ZNF426: variants seen among roughly 807,000 people sequenced by gnomAD.
ZNF426 encodes zinc finger protein 426, also known as CTC-543D15.7.
Under a neutral mutation model 24.0 loss-of-function variants are expected in ZNF426, and 23 were observed. The ratio of observed to expected loss-of-function variants is 0.96; its 90% CI spans 0.69 to 1.36. The LOEUF is 1.36. ZNF426 is among the 40% of genes most tolerant of loss of function. ZNF426 has a pLI of 0.00. For missense variants in ZNF426, 646 were observed against 658.4 expected (o/e 0.98, Z 0.21); for synonymous variants, 272 against 224.6 (o/e 1.21, Z -1.89).
intron 3 of ZNF426, 84 bp downstream of exon 3, chr19:9,536,124 T>A (rs768597555): frequency 1.0e-5 from 16 of 1,580,072 alleles, no homozygotes; most frequent in Non-Finnish European, 8.7e-7. Context: ...ATCAGCAACA[T>A]GACCAGCTGC....
chr19:9,531,122 T>A (rs1374505273), intron 6 of ZNF426, 55 bp from the exon 7 acceptor site: 1 of 1,423,616 alleles, frequency 7.0e-7, no homozygotes, highest in Non-Finnish European at 9.9e-7. Flanking sequence ...CAGTGGCTCA[T>A]GCCTGTAATC....
In ZNF426 at chr19:9,533,950, T is replaced by C; in HGVS notation, c.134A>G (p.Asp45Gly). Residue 45 changes from aspartate (D) to glycine (G), a missense_variant, in exon 5 of 8, where the codon GAC becomes GGC. Asp to Gly is a moderately conservative substitution (Grantham distance 94). Coordinates refer to ENST00000253115, the MANE Select transcript of ZNF426 (RefSeq NM_024106.3). ...CTGGGTGAAGTCCACAGCCACATCG[T>C]CAAAGGTCACTGAATCCTAAAGCAT... ...TDCYQDSVTF[D>G]DVAVDFTQEE... 1 of 1,613,618 alleles carries C rather than the reference T, an allele frequency of 6.2e-7. No homozygotes were observed. The highest frequency in any genetic ancestry group is 8.5e-7 in the Non-Finnish European group (1 of 1,179,840).
rs1442772907 is a variant in ZNF426 at position 9,523,558 on chromosome 19, T to C, written c.*4822A>G. 1 of 152,220 alleles carries C rather than the reference T, an allele frequency of 6.6e-6. No homozygotes were observed. Among genetic ancestry groups the C allele is most frequent in the African/African-American group, 2.4e-5 (1 of 41,458 alleles). 9.4% of individuals were successfully genotyped at this position (152,220 alleles called of 1,614,324 possible). A position where few individuals can be genotyped will look rare whatever the true frequency, so the allele number is the denominator to read the frequency against. On this transcript the variant is annotated 3_prime_UTR_variant, in exon 8 of 8. Transcript: ENST00000253115. ...CCAGGGATGAAAGCCTTAATGTTAA[T>C]GAGTGGATGGGACATGTGACATAAT...
chr19:9,537,814 C>G (rs2073991258), intron 2 of ZNF426, among the ~76,000 whole-genome samples: 1 of 152,056 alleles, frequency 6.6e-6, no homozygotes, highest in Admixed American at 6.6e-5. Context: ...CCACGCTCGG[C>G]TAATTTTTTT....
In ZNF426 at chr19:9,533,859, G is replaced by T; in HGVS notation, c.225C>A (p.Tyr75Ter). 3 of 1,614,106 alleles carry T rather than the reference G, an allele frequency of 1.9e-6. No individual in the cohort carries two copies. Among genetic ancestry groups the T allele is most frequent in the Non-Finnish European group, 2.5e-6 (3 of 1,179,968 alleles). ...TCTTACCTACTGTGGCCAGGTTCTT[G>T]TAGTTCTCCAGCATCACGTCACTGT... The part of the protein sequence containing the change: ...SLYSDVMLEN[Y>*]KNLATVGGQI... The change falls in exon 5 of 8, where the codon TAC (tyrosine) becomes TAA (stop). Residue 75 changes from tyrosine to a stop codon, truncating the protein, a stop_gained. Transcript: ENST00000253115. LOFTEE classifies it high-confidence loss of function.
In ZNF426 at chr19:9,528,633, G is replaced by C. The variant is rs1219549949; in HGVS notation, c.1412C>G (p.Thr471Ser). The change falls in exon 8 of 8, where the codon ACT (threonine) becomes AGT (serine). Residue 471 changes from threonine to serine, a missense_variant. Physicochemically the swap from Thr to Ser is moderately conservative, Grantham distance 58. Coordinates refer to ENST00000253115, the MANE Select transcript of ZNF426 (RefSeq NM_024106.3). The stretch of plus-strand genomic sequence containing the variant: ...TTTACACTCATAGGGTTTTTCTCCA[G>C]TGTGGATTCGCATGTGAATTTTAAG... The part of the protein sequence containing the change: ...THLKIHMRIH[T>S]GEKPYECKQC... 2 of 1,614,086 alleles carry C rather than the reference G, an allele frequency of 1.2e-6. No homozygotes were observed. Among genetic ancestry groups the C allele is most frequent in the Non-Finnish European group, 1.7e-6 (2 of 1,180,010 alleles).
intron 2 of ZNF426, among the ~76,000 whole-genome samples, chr19:9,537,178 A>G (rs2144780924): frequency 6.6e-6 from 1 of 151,780 alleles, no homozygotes; most frequent in East Asian, 1.9e-4. Context: ...TTAATCAAAC[A>G]TGAAACAGTG....
In ZNF426 at chr19:9,526,064, C is replaced by T. The variant is rs1019943539; in HGVS notation, c.*2316G>A. 6.6e-6 allele frequency: 1 copy of T among 152,020 alleles called. No individual in the cohort carries two copies. The highest frequency in any genetic ancestry group is 1.5e-5 in the Non-Finnish European group (1 of 68,048). 9.4% of individuals were successfully genotyped at this position (152,020 alleles called of 1,614,324 possible). On this transcript the variant is annotated 3_prime_UTR_variant, in exon 8 of 8. Coordinates refer to ENST00000253115, the MANE Select transcript of ZNF426 (RefSeq NM_024106.3). Reference sequence around the variant, plus strand: ...GCCAACTCTATACATCCTGACCCAACTAAAGGGTGGGAAAAACTGAAGTTC... The same window carrying T: ...GCCAACTCTATACATCCTGACCCAATTAAAGGGTGGGAAAAACTGAAGTTC...
chr19:9,530,820 C>T (rs572139645), intron 7 of ZNF426, among the ~76,000 whole-genome samples, 165 bp downstream of exon 7: 1 of 152,282 alleles, frequency 6.6e-6, no homozygotes, highest in South Asian at 2.1e-4. Context: ...TGTGTGAAAG[C>T]TCCAAAGAAA....
chr19:9,530,903 C>T, intron 7 of ZNF426, 82 bp downstream of exon 7: 1 of 1,133,420 alleles, frequency 8.8e-7, no homozygotes, highest in Non-Finnish European at 1.3e-6. Context: ...TCAAATATCT[C>T]TTATTTTTGC....
chr19:9,528,886 T>A lies in ZNF426; in HGVS notation c.1159A>T (p.Thr387Ser). ...SRLIQHIRTHTGEKPFVCVEC... is the reference protein window; with the variant it reads ...SRLIQHIRTHSGEKPFVCVEC... ...ACACATACAAAAGGCTTCTCTCCAGTGTGAGTTCTTATATGTTGAATAAGG... is the reference window on the plus strand; with the variant it reads ...ACACATACAAAAGGCTTCTCTCCAGAGTGAGTTCTTATATGTTGAATAAGG... The change falls in exon 8 of 8, where the codon ACT (threonine) becomes TCT (serine). Residue 387 changes from threonine (T) to serine (S), a missense_variant. Physicochemically the swap from Thr to Ser is moderately conservative, Grantham distance 58. Coordinates refer to ENST00000253115, the MANE Select transcript of ZNF426 (RefSeq NM_024106.3). 1 of 1,614,128 alleles carries A rather than the reference T, an allele frequency of 6.2e-7. No individual in the cohort carries two copies. The highest frequency in any genetic ancestry group is 8.5e-7 in the Non-Finnish European group (1 of 1,180,026).
rs2073787209 is a variant in ZNF426 at position 9,525,857 on chromosome 19, C to T, written c.*2523G>A. 1 of 152,012 alleles carries T rather than the reference C, an allele frequency of 6.6e-6. No individual in the cohort carries two copies. Among genetic ancestry groups the T allele is most frequent in the South Asian group, 2.1e-4 (1 of 4,818 alleles). The allele number at this position is 152,012 out of a possible 1,614,324, so 9.4% of individuals were successfully genotyped here. A position where few individuals can be genotyped will look rare whatever the true frequency, so the allele number is the denominator to read the frequency against. On this transcript the variant is annotated 3_prime_UTR_variant, in exon 8 of 8. Coordinates refer to ENST00000253115, the MANE Select transcript of ZNF426 (RefSeq NM_024106.3). ...CCAGGCTGGAGTGCAGTATCACAAT[C>T]TCGGCTCACTGTGACCTCCACCTCC...
chr19:9,529,111 C>A lies in ZNF426; in HGVS notation c.934G>T (p.Glu312Ter). 1 of 1,614,096 alleles carries A rather than the reference C, an allele frequency of 6.2e-7. No individual in the cohort carries two copies. The highest frequency in any genetic ancestry group is 8.5e-7 in the Non-Finnish European group (1 of 1,180,008). The change falls in exon 8 of 8, where the codon GAA becomes TAA. Residue 312 changes from glutamate (E) to a stop codon, truncating the protein, a stop_gained. Coordinates refer to ENST00000253115, the MANE Select transcript of ZNF426 (RefSeq NM_024106.3). LOFTEE classifies it low-confidence loss of function (END_TRUNC). ...GAATAATTGAAGGCTTTCCCACATT[C>A]CTTACATTCATATGGTTTCTCCCCA... ...HTGEKPYECK[E>*]CGKAFNYSNS...
rs1490407449 is a variant in ZNF426 at position 9,528,300 on chromosome 19, AGAGT to A, written c.*76_*79del. On this transcript the variant is annotated 3_prime_UTR_variant, in exon 8 of 8. Coordinates refer to ENST00000253115, the MANE Select transcript of ZNF426 (RefSeq NM_024106.3). ...AATTTTCATGCAGCTTCTTCTCTCCAGAGTGAGTTCATTCATGTCTTTAAAGTGA... is the reference window on the plus strand; with the variant it reads ...AATTTTCATGCAGCTTCTTCTCTCCAGAGTTCATTCATGTCTTTAAAGTGA... 2.5e-5 allele frequency: 34 copies of A among 1,378,982 alleles called. No homozygotes were observed. Among genetic ancestry groups the A allele is most frequent in the Non-Finnish European group, 3.3e-5 (33 of 1,013,056 alleles). The allele number at this position is 1,378,982 out of a possible 1,614,324, so 85.4% of individuals were successfully genotyped here. A position where few individuals can be genotyped will look rare whatever the true frequency, so the allele number is the denominator to read the frequency against.
chr19:9,527,884 C>T lies in ZNF426; in HGVS notation c.*496G>A, dbSNP rs757144846. 1.2e-3 allele frequency: 185 copies of T among 153,112 alleles called. 2 individuals carry two copies. Among genetic ancestry groups the T allele is most frequent in the Middle Eastern group, 6.8e-3 (2 of 296 alleles). The allele number at this position is 153,112 out of a possible 1,614,324, so 9.5% of individuals were successfully genotyped here. A position where few individuals can be genotyped will look rare whatever the true frequency, so the allele number is the denominator to read the frequency against. On this transcript the variant is annotated 3_prime_UTR_variant, in exon 8 of 8. Transcript: ENST00000253115. ...TGGCCATCATCTGATGACTTCACAT[C>T]ATCTTCTATTTGTTGTCTCAGTTGT...
rs1196650481 is a variant in ZNF426, at chr19:9,527,539, C to G, written c.*841G>C. ...CATGCTCCTTACATTCATACAATTT[C>G]TCTCCTATGTGATTTCTCCTGTATG... is the stretch of plus-strand genomic sequence containing the variant. On this transcript the variant is annotated 3_prime_UTR_variant, in exon 8 of 8. Coordinates refer to ENST00000253115, the MANE Select transcript of ZNF426 (RefSeq NM_024106.3). 1 of 152,200 alleles carries G rather than the reference C, an allele frequency of 6.6e-6. No homozygotes were observed. The highest frequency in any genetic ancestry group is 1.5e-5 in the Non-Finnish European group (1 of 68,048). The allele number at this position is 152,200 out of a possible 1,614,324, so 9.4% of individuals were successfully genotyped here.
chr19:9,538,237 C>G (rs1206001117), intron 2 of ZNF426, 22 bp downstream of exon 2: 1 of 152,284 alleles, frequency 6.6e-6, no homozygotes, highest in East Asian at 1.9e-4. Flanking sequence ...CCCCCTAGAA[C>G]CAACTTTCAC....
intron 2 of ZNF426, among the ~76,000 whole-genome samples, chr19:9,537,445 T>C (rs990074702): frequency 1.1e-4 from 13 of 123,288 alleles, no homozygotes; most frequent in Non-Finnish European, 2.0e-4. Context: ...TATAGAATAT[T>C]TAACTCTTTT....
intron 2 of ZNF426, 45 bp from the exon 3 acceptor site, chr19:9,536,401 G>C (rs2073966228): frequency 1.3e-6 from 2 of 1,513,550 alleles, no homozygotes; most frequent in African/African-American, 1.4e-5. Context: ...TTAATCATCA[G>C]CCATCAAACA....
Sources: allele counts gnomAD v4.1 joint callset (sites outside exome capture counted in the v4.1 genomes callset), GRCh38; gene constraint gnomAD v4.1.1; transcripts MANE v1.5; gene names NCBI Gene and HGNC (gene_info 2026-07-23, HGNC 2026-07-21).